MORF4L1: variants seen among roughly 807,000 people sequenced by gnomAD.
MORF4L1 encodes mortality factor 4 like 1.
Under a neutral mutation model 52.9 loss-of-function variants are expected in MORF4L1, and 4 were observed. The ratio of observed to expected loss-of-function variants is 0.08; its 90% confidence interval spans 0.04 to 0.17. MORF4L1 has a LOEUF of 0.17. Ranked by LOEUF, MORF4L1 falls within the 10% of genes least tolerant of loss-of-function variation. MORF4L1 has a pLI of 1.00. For synonymous variants in MORF4L1, 123 were observed against 134.8 expected (o/e 0.91, Z 0.61); for missense variants, 214 against 390.4 (o/e 0.55, Z 3.81).
Position 78,898,124 on chromosome 15 carries a change from A to C in MORF4L1, c.*1057A>C, listed in dbSNP as rs755654872. The stretch of plus-strand genomic sequence containing the variant: ...ACAACACAGTATTAAAATAACCCAA[A>C]AGTTGTAAAGGGCAACGTTTCTCCC... On this transcript the variant is annotated 3_prime_UTR_variant, in exon 12 of 12. Transcript: ENST00000426013. 3 of 152,198 alleles carry C rather than the reference A, an allele frequency of 2.0e-5. No individual in the cohort carries two copies. The highest frequency in any genetic ancestry group is 2.9e-5 in the Non-Finnish European group (2 of 68,044). The allele number at this position is 152,198 out of a possible 1,614,324, so 9.4% of individuals were successfully genotyped here.
At chr15:78,876,137 C>A (rs2056485358) in intron 1 of MORF4L1, among the ~76,000 whole-genome samples, 1 of 151,756 alleles carries the variant, frequency 6.6e-6, no homozygotes, top group African/African-American at 2.4e-5. Flanking sequence ...GGGGTTTCAC[C>A]ATGTTGGCCA....
chr15:78,887,383 T>C, intron 5 of MORF4L1, 34 bp downstream of exon 5: 1 of 1,538,140 alleles, frequency 6.5e-7, no homozygotes, highest in Non-Finnish European at 8.9e-7. Flanking sequence ...TTGCATACTA[T>C]ATGTGAAGAT....
At chr15:78,873,164 G>C in intron 1 of MORF4L1, 107 bp downstream of exon 1, 1 of 1,536,472 alleles carries the variant, frequency 6.5e-7, no homozygotes, top group Non-Finnish European at 8.8e-7. Context: ...TGCGCCCTGA[G>C]AAGGCGGCGG....
intron 2 of MORF4L1, 65 bp from the exon 3 acceptor site, chr15:78,880,447 G>T (rs1364788205): frequency 4.3e-6 from 5 of 1,174,880 alleles, no homozygotes; most frequent in Non-Finnish European, 6.2e-6. Flanking sequence ...TTTGAAGGAT[G>T]ATTTGAAAAG....
intron 4 of MORF4L1, among the ~76,000 whole-genome samples, chr15:78,886,618 A>C (rs981860577): frequency 6.6e-6 from 1 of 152,170 alleles, no homozygotes; most frequent in Non-Finnish European, 1.5e-5. Context: ...GAAAGACTCT[A>C]TGATTTATAG....
At chr15:78,874,201 A>G (rs2056433293) in intron 1 of MORF4L1, among the ~76,000 whole-genome samples, 1 of 152,226 alleles carries the variant, frequency 6.6e-6, no homozygotes, top group African/African-American at 2.4e-5. Flanking sequence ...ATTGCTATGG[A>G]AATTTATGCT....
chr15:78,889,283 T>C (rs1333847808), intron 5 of MORF4L1, among the ~76,000 whole-genome samples: 1 of 152,200 alleles, frequency 6.6e-6, no homozygotes, highest in Non-Finnish European at 1.5e-5. Context: ...CTTATTGAAG[T>C]GTATGGGTTG....
intron 3 of MORF4L1, chr15:78,884,937 G>A: frequency 3.3e-6 from 5 of 1,530,442 alleles, no homozygotes; most frequent in Non-Finnish European, 4.5e-6. Context: ...TGGTCACTGA[G>A]ATTACTTTGT....
chr15:78,882,796 G>A (rs192972593), intron 3 of MORF4L1, among the ~76,000 whole-genome samples: 5 of 141,844 alleles, frequency 3.5e-5, no homozygotes, highest in African/African-American at 1.3e-4. Context: ...TTGTTTTAGA[G>A]CCAGTATGGT....
intron 3 of MORF4L1, among the ~76,000 whole-genome samples, chr15:78,885,287 T>C (rs556487783): frequency 4.7e-4 from 71 of 152,326 alleles, no homozygotes; most frequent in Middle Eastern, 3.4e-3. Context: ...GAGAAAAGAT[T>C]TACTGCTCAA....
chr15:78,886,975 TTAAAA>T (rs1382883737), intron 4 of MORF4L1, among the ~76,000 whole-genome samples: 3 of 151,128 alleles, frequency 2.0e-5, no homozygotes, highest in East Asian at 3.9e-4. Context: ...AAAAAAAGAA[TTAAAA>T]TGGTAATGGG....
At chr15:78,895,477 T>C (rs1410268495) in intron 11 of MORF4L1, among the ~76,000 whole-genome samples, 6 of 152,158 alleles carry the variant, frequency 3.9e-5, no homozygotes, top group Non-Finnish European at 8.8e-5. Context: ...TTTGAAGAAA[T>C]GGAGAAAAGG....
In MORF4L1 at chr15:78,873,125, G is replaced by A. The variant is rs1044931891; in HGVS notation, c.40+68G>A. On this transcript the variant is annotated intron_variant, in intron 1 of 11. Transcript: ENST00000426013. ...AGATAGAGGCGGGCTCGAGGTGATT[G>A]AGGCTTGAGGGCCGGGGGCGGCGCG... The A allele has an allele frequency of 2.6e-6, 4 of 1,546,186 alleles. No individual in the cohort carries two copies. In the African/African-American group the frequency reaches 4.1e-5, roughly 16 times the overall value.
intron 5 of MORF4L1, chr15:78,890,729 C>G (rs144849236): frequency 4.2e-6 from 1 of 237,246 alleles, no homozygotes; most frequent in Non-Finnish European, 7.9e-6. Flanking sequence ...GATCCACCCC[C>G]TCTTCACCTC....
intron 4 of MORF4L1, chr15:78,886,440 C>T (rs1486738666): frequency 1.8e-5 from 10 of 555,278 alleles, no homozygotes; most frequent in Non-Finnish European, 3.0e-5. Flanking sequence ...TTATCTTAGA[C>T]CTAGGTAGAA....
chr15:78,874,377 C>CT (rs1567295391), intron 1 of MORF4L1, among the ~76,000 whole-genome samples: 1 of 151,756 alleles, frequency 6.6e-6, no homozygotes, highest in African/African-American at 2.4e-5. Flanking sequence ...TAATGAGTGA[C>CT]TTTTTTTGTT....
At chr15:78,880,674 T>C in intron 3 of MORF4L1, 95 bp downstream of exon 3, 3 of 867,374 alleles carry the variant, frequency 3.5e-6, no homozygotes, top group Non-Finnish European at 5.4e-6. Flanking sequence ...TTCTGCAGTT[T>C]TAATGTAATA....
chr15:78,880,213 C>T (rs1368251559), intron 2 of MORF4L1, among the ~76,000 whole-genome samples: 1 of 152,150 alleles, frequency 6.6e-6, no homozygotes, highest in African/African-American at 2.4e-5. Context: ...AATATAGCTC[C>T]TGGCTGATTA....
In MORF4L1 at chr15:78,872,904, A is replaced by T; in HGVS notation, c.-114A>T. 6.8e-7 allele frequency: 1 copy of T among 1,466,564 alleles called. No homozygotes were observed. Among genetic ancestry groups the T allele is most frequent in the South Asian group, 1.3e-5 (1 of 74,682 alleles). The allele number at this position is 1,466,564 out of a possible 1,614,324, so 90.8% of individuals were successfully genotyped here. On this transcript the variant is annotated 5_prime_UTR_variant, in exon 1 of 12. It removes an upstream start codon present in the reference 5' UTR. Transcript: ENST00000426013. ...CGGGCGCTGGCAAATCCGGCCCAGG[A>T]TGTAGAGCTGGCAGTGCCTGACGGC...
Sources: allele counts gnomAD v4.1 joint callset (sites outside exome capture counted in the v4.1 genomes callset), GRCh38; gene constraint gnomAD v4.1.1; transcripts MANE v1.5; gene names NCBI Gene and HGNC (gene_info 2026-07-23, HGNC 2026-07-21).